Variants in GRID1 observed in about 807,000 individuals in gnomAD.
GRID1 encodes glutamate receptor ionotropic, delta-1.
In GRID1, 28 loss-of-function variants were observed where a neutral mutation model predicts 98.0. The ratio of observed to expected loss-of-function variants is 0.29; its 90% CI spans 0.21 to 0.39. GRID1 has a LOEUF of 0.39. Among genes scored for constraint, GRID1 ranks in the 10% least tolerant of loss-of-function variants. The pLI, the probability that GRID1 is intolerant of heterozygous loss-of-function variation, is 1.00. For missense variants in GRID1, 1,111 were observed against 1,340.5 expected (o/e 0.83, Z 2.67); for synonymous variants, 553 against 538.5 (o/e 1.03, Z -0.37).
At chr10:85,769,683 G>A (rs890391732) in intron 8 of GRID1, among the ~76,000 whole-genome samples, 49 of 152,196 alleles carry the variant, frequency 3.2e-4, no homozygotes, top group Non-Finnish European at 1.0e-4. Context: ...TCCTGCACCT[G>A]GCTCGGAGGG....
chr10:86,021,412 G>C (rs1304626065), intron 4 of GRID1, among the ~76,000 whole-genome samples: 1 of 152,064 alleles, frequency 6.6e-6, no homozygotes, highest in Non-Finnish European at 1.5e-5. Flanking sequence ...CTTTCCCCCA[G>C]AAAAAGATAT....
In GRID1 at chr10:85,916,522, A is replaced by G. The variant is rs1477264336; in HGVS notation, c.727-283T>C. Among the ~76,000 whole-genome samples, 1 of 152,162 alleles carries G rather than the reference A, an allele frequency of 6.6e-6. No homozygotes were observed. Among genetic ancestry groups the G allele is most frequent in the East Asian group, 1.9e-4 (1 of 5,186 alleles). On this transcript the variant is annotated intron_variant, in intron 4 of 15. Transcript: ENST00000327946. The surrounding 1 kb of genome is among the most constrained non-coding windows in gnomAD (Gnocchi z 4.0). The stretch of plus-strand genomic sequence containing the variant: ...GCAGCACAGGGTCACAGGCACAGGC[A>G]CAGGCACAGCCCCCCTTCCCTAGGA...
At chr10:85,841,014 A>G (rs1312603859) in intron 8 of GRID1, among the ~76,000 whole-genome samples, 1 of 152,206 alleles carries the variant, frequency 6.6e-6, no homozygotes, top group Non-Finnish European at 1.5e-5. Context: ...GAACCAAAAA[A>G]TAGCCTGAAT....
intron 2 of GRID1, among the ~76,000 whole-genome samples, chr10:86,247,039 G>A (rs1179604721): frequency 1.3e-5 from 2 of 152,242 alleles, no homozygotes; most frequent in Non-Finnish European, 1.5e-5. Context: ...GCCTGACACC[G>A]TGCCTGGAAC....
chr10:85,713,064 C>A (rs955503035), intron 12 of GRID1, among the ~76,000 whole-genome samples: 1 of 151,256 alleles, frequency 6.6e-6, no homozygotes, highest in Non-Finnish European at 1.5e-5. Flanking sequence ...TAATAAAGAT[C>A]GGGGCAGAAA....
intron 5 of GRID1, among the ~76,000 whole-genome samples, chr10:85,908,468 A>T (rs1386716205): frequency 1.4e-5 from 2 of 146,656 alleles, no homozygotes; most frequent in Non-Finnish European, 2.9e-5. Context: ...ATTCTAAGGG[A>T]TAAATCTCAC....
chr10:86,017,356 T>C (rs1393541458), intron 4 of GRID1, among the ~76,000 whole-genome samples: 2 of 152,214 alleles, frequency 1.3e-5, no homozygotes, highest in African/African-American at 4.8e-5. Context: ...GCTCAGAATT[T>C]GAATTGTCAA....
At chr10:85,892,617 A>G (rs1320452765) in intron 5 of GRID1, among the ~76,000 whole-genome samples, 2 of 151,940 alleles carry the variant, frequency 1.3e-5, no homozygotes, top group Non-Finnish European at 2.9e-5. Context: ...ACGTTTTTAG[A>G]AAAATAAAAG....
At chr10:85,915,092 T>A (rs1244577111) in intron 5 of GRID1, among the ~76,000 whole-genome samples, 1 of 152,100 alleles carries the variant, frequency 6.6e-6, no homozygotes, top group East Asian at 1.9e-4. Flanking sequence ...GGTGTTGCCA[T>A]TCCTCCCTGG....
At chr10:85,930,780 G>A (rs188307967) in intron 4 of GRID1, among the ~76,000 whole-genome samples, 4 of 152,134 alleles carry the variant, frequency 2.6e-5, no homozygotes, top group Admixed American at 6.5e-5. Flanking sequence ...TATAGAATAT[G>A]TGAATATTAA....
chr10:85,923,187 T>C (rs1207774089), intron 4 of GRID1, among the ~76,000 whole-genome samples: 1 of 152,028 alleles, frequency 6.6e-6, no homozygotes, highest in Non-Finnish European at 1.5e-5. Context: ...CGAGGATCCT[T>C]GAAGTCCAAG....
rs74902240 is a variant in GRID1, at chr10:86,313,245, G to A, written c.235+50696C>T. Among the ~76,000 whole-genome samples, 701 of 152,300 alleles carry A rather than the reference G, an allele frequency of 4.6e-3. 10 individuals are homozygous for A. Among genetic ancestry groups the A allele is most frequent in the African/African-American group, 0.016 (649 of 41,560 alleles). ...AAATAACCATGAAAATACTAACAGC[G>A]ATCATTACCCAGCACTAACCATGTG... is the stretch of plus-strand genomic sequence containing the variant. On this transcript the variant is annotated intron_variant, in intron 2 of 15. Transcript: ENST00000327946.
At chr10:85,864,673 T>C (rs1201663680) in intron 6 of GRID1, among the ~76,000 whole-genome samples, 1 of 152,042 alleles carries the variant, frequency 6.6e-6, no homozygotes, top group East Asian at 1.9e-4. Flanking sequence ...CTTTTAGCCA[T>C]GGAAGAGTAC....
intron 12 of GRID1, among the ~76,000 whole-genome samples, chr10:85,691,971 C>T (rs1337568537): frequency 2.0e-5 from 3 of 151,996 alleles, no homozygotes; most frequent in Admixed American, 2.0e-4. Context: ...GTAGCCCTCT[C>T]GATAGTTCTA....
chr10:85,910,697 C>T (rs978771267), intron 5 of GRID1, among the ~76,000 whole-genome samples: 2 of 152,176 alleles, frequency 1.3e-5, no homozygotes, highest in Non-Finnish European at 2.9e-5. Flanking sequence ...GATTGTTTAA[C>T]CCAGTGAGCT....
At chr10:86,288,955 G>C (rs1420132071) in intron 2 of GRID1, among the ~76,000 whole-genome samples, 1 of 152,124 alleles carries the variant, frequency 6.6e-6, no homozygotes, top group Non-Finnish European at 1.5e-5. Context: ...CATGGCCCTG[G>C]ACACAGCTCA....
At chr10:86,010,855 G>A (rs1434379784) in intron 4 of GRID1, among the ~76,000 whole-genome samples, 3 of 151,356 alleles carry the variant, frequency 2.0e-5, no homozygotes, top group Non-Finnish European at 4.4e-5. Context: ...GTGTGAAGGC[G>A]TGTGTGTATG....
rs181879981 is a variant in GRID1 at position 85,965,731 on chromosome 10, C to A, written c.727-49492G>T. ...AGCAAACCACAATGGTACATGTATA[C>A]CTATGTAACAAACCTGCGTGTTCTG... is the stretch of plus-strand genomic sequence containing the variant. On this transcript the variant is annotated intron_variant, in intron 4 of 15. Transcript: ENST00000327946. 1.2e-4 allele frequency among the ~76,000 whole-genome samples: 19 copies of A among 152,116 alleles called. No homozygotes were observed. The East Asian group carries it at 3.5e-3, about 28-fold the overall frequency.
chr10:85,922,680 T>C (rs1320789054), intron 4 of GRID1, among the ~76,000 whole-genome samples: 1 of 152,128 alleles, frequency 6.6e-6, no homozygotes, highest in Non-Finnish European at 1.5e-5. Context: ...ATGTCACCCC[T>C]CCAAAGCATG....
Sources: gnomAD v4.1 joint callset for allele counts (sites outside exome capture counted in the v4.1 genomes callset) on GRCh38, gnomAD v4.1.1 for gene constraint, Gnocchi (gnomAD v3.1) non-coding constraint, MANE v1.5 for transcripts, NCBI Gene and HGNC (gene_info 2026-07-23, HGNC 2026-07-21) for gene names.